AFMID: variants seen among roughly 807,000 people sequenced by gnomAD.
AFMID encodes the protein kynurenine formamidase.
A neutral mutation model predicts 47.5 loss-of-function variants in AFMID; 39 were observed. The observed-to-expected ratio is 0.82, with a 90% confidence interval of 0.64 to 1.07. AFMID has a LOEUF of 1.07. Among genes scored for constraint, AFMID ranks in the 50% least tolerant of loss-of-function variants. AFMID has a pLI of 0.00. For missense variants in AFMID, 375 were observed against 387.5 expected (o/e 0.97, Z 0.27); for synonymous variants, 130 against 153.2 (o/e 0.85, Z 1.12).
chr17:78,205,372 T>C, intron 7 of AFMID, 68 bp from the exon 8 acceptor site: 1 of 1,557,410 alleles, frequency 6.4e-7, no homozygotes, highest in Non-Finnish European at 8.9e-7. Context: ...CCTCTGGCGG[T>C]GGGGGTGGGC....
chr17:78,194,726 T>A (rs569464995), intron 2 of AFMID, among the ~76,000 whole-genome samples: 2 of 152,106 alleles, frequency 1.3e-5, no homozygotes, highest in African/African-American at 4.8e-5. Flanking sequence ...GGAGTTTTGC[T>A]CTTGTTGTCC....
chr17:78,190,907 G>C, intron 1 of AFMID, 63 bp from the exon 2 acceptor site: 1 of 1,489,364 alleles, frequency 6.7e-7, no homozygotes, highest in South Asian at 1.2e-5. Flanking sequence ...GCATGGGCGA[G>C]GGGGAGGGGC....
intron 2 of AFMID, among the ~76,000 whole-genome samples, chr17:78,196,236 G>A (rs2076110365): frequency 1.3e-5 from 2 of 151,320 alleles, no homozygotes; most frequent in South Asian, 2.1e-4. Flanking sequence ...ATGGTGGCGT[G>A]CGCCTATAAT....
At chr17:78,193,233 T>C (rs1167906412) in intron 2 of AFMID, among the ~76,000 whole-genome samples, 2 of 151,814 alleles carry the variant, frequency 1.3e-5, no homozygotes, top group African/African-American at 4.8e-5. Flanking sequence ...TAGCCAGGCA[T>C]GGTGGCGGGC....
chr17:78,199,437 G>A (rs1451696955), intron 2 of AFMID, among the ~76,000 whole-genome samples: 1 of 150,676 alleles, frequency 6.6e-6, no homozygotes, highest in Non-Finnish European at 1.5e-5. Context: ...GTGCAGTGGT[G>A]CAATCTCGGC....
At chr17:78,206,848 A>G in intron 10 of AFMID, 63 bp from the exon 11 acceptor site, 1 of 1,591,178 alleles carries the variant, frequency 6.3e-7, no homozygotes, top group Non-Finnish European at 8.6e-7. Flanking sequence ...CATTTCCTTA[A>G]TCAAATTCCT....
chr17:78,195,813 A>G (rs2076097972), intron 2 of AFMID, among the ~76,000 whole-genome samples: 1 of 151,876 alleles, frequency 6.6e-6, no homozygotes, highest in Non-Finnish European at 1.5e-5. Context: ...CCTGTTTTTA[A>G]TACCATGCAC....
rs1439039093 is a variant in AFMID at position 78,190,807 on chromosome 17, C to G, written c.64-163C>G. The G allele has an allele frequency of 5.0e-6, 3 of 596,072 alleles. No individual in the cohort carries two copies. In the African/African-American group the frequency reaches 5.6e-5, roughly 11 times the overall value. The allele number at this position is 596,072 out of a possible 1,614,324, so 36.9% of individuals were successfully genotyped here. A position where few individuals can be genotyped will look rare whatever the true frequency, so the allele number is the denominator to read the frequency against. On this transcript the variant is annotated intron_variant, in intron 1 of 10. Coordinates refer to ENST00000409257, the MANE Select transcript of AFMID (RefSeq NM_001010982.5). The stretch of plus-strand genomic sequence containing the variant: ...CAGCTGGCTAAAGGCACAGCGGTCG[C>G]TGGTATACCTCTAGACCATGGATCT...
rs910544777 is a variant in AFMID at position 78,207,374 on chromosome 17, C to G, written c.*437C>G. ...TCTTGGCTCACTGCAACCTCCACCT[C>G]CCGGGTTCAAGCAATTCTCCTGCCT... is the stretch of plus-strand genomic sequence containing the variant. On this transcript the variant is annotated 3_prime_UTR_variant, in exon 11 of 11. Coordinates refer to ENST00000409257, the MANE Select transcript of AFMID (RefSeq NM_001010982.5). The G allele has an allele frequency of 6.1e-6, 1 of 164,836 alleles. No homozygotes were observed. Among genetic ancestry groups the G allele is most frequent in the African/African-American group, 2.5e-5 (1 of 40,664 alleles). The allele number at this position is 164,836 out of a possible 1,614,324, so 10.2% of individuals were successfully genotyped here. A position where few individuals can be genotyped will look rare whatever the true frequency, so the allele number is the denominator to read the frequency against.
chr17:78,195,833 A>AATT (rs143202682), intron 2 of AFMID, among the ~76,000 whole-genome samples: 20 of 150,860 alleles, frequency 1.3e-4, no homozygotes, highest in African/African-American at 1.7e-4. Flanking sequence ...CAGCATTATA[A>AATT]ATTATTATTA....
chr17:78,191,006 G>GC lies in AFMID; in HGVS notation c.100_101insC (p.Val34AlafsTer18). 6.2e-7 allele frequency: 1 copy of GC among 1,614,080 alleles called. No individual in the cohort carries two copies. Among genetic ancestry groups the GC allele is most frequent in the Non-Finnish European group, 8.5e-7 (1 of 1,179,998 alleles). On this transcript the variant is annotated frameshift_variant, in exon 2 of 11. Transcript: ENST00000409257. LOFTEE classifies it high-confidence loss of function. ...TCAGTACTGTCCCAGCCGATGGGTTGTCCGACTGGGAGCAGAGGAAGCCTT... is the reference window on the plus strand; with the variant it reads ...TCAGTACTGTCCCAGCCGATGGGTTGCTCCGACTGGGAGCAGAGGAAGCCTT...
chr17:78,198,369 C>T (rs1402507683), intron 2 of AFMID, among the ~76,000 whole-genome samples: 3 of 151,406 alleles, frequency 2.0e-5, no homozygotes, highest in Non-Finnish European at 2.9e-5. Flanking sequence ...GAGGCCAAGG[C>T]GGGGATATCA....
intron 2 of AFMID, chr17:78,192,528 G>A: frequency 2.3e-6 from 1 of 437,710 alleles, no homozygotes; most frequent in South Asian, 1.7e-5. Flanking sequence ...TGGTTAGGCT[G>A]GTCTCAAACT....
intron 1 of AFMID, among the ~76,000 whole-genome samples, chr17:78,188,133 C>T (rs1004772165): frequency 2.0e-5 from 3 of 150,920 alleles, no homozygotes; most frequent in Non-Finnish European, 4.4e-5. Flanking sequence ...AGGTTAGAAA[C>T]ATACAGGCCG....
chr17:78,187,366 A>G lies in AFMID; in HGVS notation c.-5A>G. Reference sequence around the variant, plus strand: ...GGGACGCACGCCCATGCGGCTGTAGACGCCATGATGGATGTGTCTGGTGTG... The same window carrying G: ...GGGACGCACGCCCATGCGGCTGTAGGCGCCATGATGGATGTGTCTGGTGTG... On this transcript the variant is annotated 5_prime_UTR_variant, in exon 1 of 11. Transcript: ENST00000409257. 1 of 1,613,706 alleles carries G rather than the reference A, an allele frequency of 6.2e-7. No individual in the cohort carries two copies. The highest frequency in any genetic ancestry group is 8.5e-7 in the Non-Finnish European group (1 of 1,179,866).
chr17:78,198,544 G>A (rs1371071190), intron 2 of AFMID, among the ~76,000 whole-genome samples: 1 of 151,682 alleles, frequency 6.6e-6, no homozygotes, highest in Non-Finnish European at 1.5e-5. Flanking sequence ...GGAAGCAGAG[G>A]TTGCAGATCA....
In AFMID at chr17:78,201,543, C is replaced by T. The variant is rs567004797; in HGVS notation, c.155-956C>T. On this transcript the variant is annotated intron_variant, in intron 2 of 10. Coordinates refer to ENST00000409257, the MANE Select transcript of AFMID (RefSeq NM_001010982.5). ...CTGAGGCTGGAGGATTGCTTGGCGC[C>T]GGGAGTTTGAGACTGTAGTATGCTT... 1.1e-4 allele frequency among the ~76,000 whole-genome samples: 16 copies of T among 152,008 alleles called. No homozygotes were observed. In the South Asian group the frequency reaches 3.1e-3, roughly 30 times the overall value.
At position 78,193,370 on chromosome 17, in the gene AFMID, C is replaced by CAAAA. The variant is rs199993168; in HGVS notation, c.154+2335_154+2338dup. 5.1e-4 allele frequency among the ~76,000 whole-genome samples: 35 copies of CAAAA among 68,956 alleles called. 1 individual carries two copies. The highest frequency in any genetic ancestry group is 1.6e-3 in the African/African-American group (34 of 21,224). 45.2% of individuals were successfully genotyped at this position (68,956 alleles called of 152,430 possible). On this transcript the variant is annotated intron_variant, in intron 2 of 10. Transcript: ENST00000409257. The stretch of plus-strand genomic sequence containing the variant: ...TGGGCGACAGAGCGAGACTCTGTCT[C>CAAAA]AAAAAAAAAAAAAAAAAAAAAAAAA...
In AFMID at chr17:78,207,270, CTTCT is replaced by C. The variant is rs2076405593; in HGVS notation, c.*336_*339del. ...ATGACGCTCAAAAGTAATGCCATTA[CTTCT>C]TTTTTTTTTTTTTTTTTTTTTTTTT... is the stretch of plus-strand genomic sequence containing the variant. On this transcript the variant is annotated 3_prime_UTR_variant, in exon 11 of 11. Transcript: ENST00000409257. 2.1e-5 allele frequency: 3 copies of C among 145,798 alleles called. No individual in the cohort carries two copies. Among genetic ancestry groups the C allele is most frequent in the Non-Finnish European group, 3.8e-5 (3 of 79,270 alleles). 9.0% of individuals were successfully genotyped at this position (145,798 alleles called of 1,614,324 possible).
Sources: allele counts gnomAD v4.1 joint callset (sites outside exome capture counted in the v4.1 genomes callset), GRCh38; gene constraint gnomAD v4.1.1; transcripts MANE v1.5; gene names NCBI Gene and HGNC (gene_info 2026-07-23, HGNC 2026-07-21).